Variants in PIEZO2 observed in about 807,000 individuals in gnomAD.
PIEZO2 encodes piezo type mechanosensitive ion channel component 2, also known as piezo-type mechanosensitive ion channel component 2.
In PIEZO2, 172 loss-of-function variants were observed where a neutral mutation model predicts 337.3. That is an observed-to-expected ratio of 0.51 (90% CI 0.45 to 0.58). The LOEUF (loss-of-function observed/expected upper bound fraction) is 0.58. Among genes scored for constraint, PIEZO2 ranks in the 20% least tolerant of loss-of-function variants. The probability of loss-of-function intolerance (pLI) is 0.00; values close to 1 mark genes in which losing one functional copy is unlikely to be tolerated. For missense variants in PIEZO2, 3,028 were observed against 3,391.3 expected (o/e 0.89, Z 2.66); for synonymous variants, 1,251 against 1,228.5 (o/e 1.02, Z -0.38).
At chr18:10,789,906 A>G (rs535284801) in intron 14 of PIEZO2, among the ~76,000 whole-genome samples, 13 of 152,340 alleles carry the variant, frequency 8.5e-5, no homozygotes, top group African/African-American at 2.9e-4. Flanking sequence ...ATCAAAATAA[A>G]AAACTTATTT....
chr18:11,148,418 C>T lies in PIEZO2; in HGVS notation c.64+107G>A, dbSNP rs771108050. ...CGCGCGTCTGACGCCGCTGGCCTCC[C>T]GAATCGAACCCCAGAGCACCAGAGC... On this transcript the variant is annotated intron_variant, in intron 1 of 55. Transcript: ENST00000674853. This position sits in a 1 kb window ranked among gnomAD's most constrained non-coding sequence, Gnocchi z 5.2. The T allele has an allele frequency of 3.0e-6, 4 of 1,311,570 alleles. No homozygotes were observed. Among genetic ancestry groups the T allele is most frequent in the Non-Finnish European group, 4.2e-6 (4 of 951,118 alleles). 81.2% of individuals were successfully genotyped at this position (1,311,570 alleles called of 1,614,324 possible).
At position 11,146,053 on chromosome 18, in the gene PIEZO2, T is replaced by C. The variant is rs891035417; in HGVS notation, c.64+2472A>G. Among the ~76,000 whole-genome samples the C allele has an allele frequency of 6.6e-6, 1 of 152,142 alleles. No individual in the cohort carries two copies. The highest frequency in any genetic ancestry group is 2.4e-5 in the African/African-American group (1 of 41,434). On this transcript the variant is annotated intron_variant, in intron 1 of 55. Transcript: ENST00000674853. The surrounding 1 kb of genome is among the most constrained non-coding windows in gnomAD (Gnocchi z 6.1). The stretch of plus-strand genomic sequence containing the variant: ...TAACACATGTGCACACTCACACTTA[T>C]GCACTCAAACTCACATTCACACAAA...
At chr18:10,762,248 A>AT (rs1405140703) in intron 23 of PIEZO2, among the ~76,000 whole-genome samples, 5 of 152,230 alleles carry the variant, frequency 3.3e-5, no homozygotes, top group Non-Finnish European at 5.9e-5. Flanking sequence ...TGGTCTTAAC[A>AT]TGATTGTATA....
intron 1 of PIEZO2, among the ~76,000 whole-genome samples, chr18:11,119,628 T>C (rs905241073): frequency 6.6e-6 from 1 of 151,998 alleles, no homozygotes; most frequent in Non-Finnish European, 1.5e-5. Flanking sequence ...GGGTTTAGAG[T>C]AGGGACGAGG....
chr18:11,002,787 AG>A lies in PIEZO2; in HGVS notation c.161-23128del, dbSNP rs1018622849. ...AAGTCTGAAAAGCTGAACTATGGAA[AG>A]CAGGCCACATTGGATAATCCAATTT... On this transcript the variant is annotated intron_variant, in intron 2 of 55. Coordinates refer to ENST00000674853, the MANE Select transcript of PIEZO2 (RefSeq NM_001378183.1). This position sits in a 1 kb window ranked among gnomAD's most constrained non-coding sequence, Gnocchi z 4.3. 3.0e-4 allele frequency among the ~76,000 whole-genome samples: 46 copies of A among 152,344 alleles called. No individual in the cohort carries two copies. Among genetic ancestry groups the A allele is most frequent in the African/African-American group, 1.1e-3 (44 of 41,580 alleles).
Position 11,127,066 on chromosome 18 carries a change from G to A in PIEZO2, c.64+21459C>T, listed in dbSNP as rs148229816. On this transcript the variant is annotated intron_variant, in intron 1 of 55. Transcript: ENST00000674853. This position sits in a 1 kb window ranked among gnomAD's most constrained non-coding sequence, Gnocchi z 4.5. ...ACAAACGGTTTAGTTGGAGGAGAGA[G>A]AAGGAGGCAGGAGGCAGATATTACT... Among the ~76,000 whole-genome samples the A allele has an allele frequency of 8.3e-4, 127 of 152,312 alleles. No individual in the cohort carries two copies. The highest frequency in any genetic ancestry group is 2.9e-3 in the African/African-American group (122 of 41,566).
rs2039097783 is a variant in PIEZO2 at position 10,783,284 on chromosome 18, TA to T, written c.2492+1499del. 6.6e-6 allele frequency among the ~76,000 whole-genome samples: 1 copy of T among 152,226 alleles called. No homozygotes were observed. Among genetic ancestry groups the T allele is most frequent in the South Asian group, 2.1e-4 (1 of 4,834 alleles). ...TGAAAAGAATGGTGAGGGCTTATAGTAAATTTAAACATGTTACATGGTCAGA... is the reference window on the plus strand; with the variant it reads ...TGAAAAGAATGGTGAGGGCTTATAGTAATTTAAACATGTTACATGGTCAGA... On this transcript the variant is annotated intron_variant, in intron 17 of 55. Transcript: ENST00000674853. This position sits in a 1 kb window ranked among gnomAD's most constrained non-coding sequence, Gnocchi z 4.3.
chr18:11,101,245 C>A lies in PIEZO2; in HGVS notation c.65-35023G>T, dbSNP rs2146093782. On this transcript the variant is annotated intron_variant, in intron 1 of 55. Transcript: ENST00000674853. The surrounding 1 kb of genome is among the most constrained non-coding windows in gnomAD (Gnocchi z 4.4). ...ACCTCCCTAATCCTCAAGAACACTC[C>A]TTCCGACTTCCAAACTTCCTCTGGA... is the stretch of plus-strand genomic sequence containing the variant. Among the ~76,000 whole-genome samples, 1 of 152,348 alleles carries A rather than the reference C, an allele frequency of 6.6e-6. No homozygotes were observed.
At chr18:11,058,321 T>G (rs901554065) in intron 2 of PIEZO2, among the ~76,000 whole-genome samples, 6 of 151,898 alleles carry the variant, frequency 4.0e-5, no homozygotes, top group African/African-American at 1.2e-4. Flanking sequence ...ACCACAAAGT[T>G]GGGGAAAAAA....
chr18:10,979,925 A>C lies in PIEZO2; in HGVS notation c.161-265T>G, dbSNP rs1381231855. 1.3e-5 allele frequency among the ~76,000 whole-genome samples: 2 copies of C among 152,244 alleles called. No homozygotes were observed. The highest frequency in any genetic ancestry group is 2.4e-5 in the African/African-American group (1 of 41,472). On this transcript the variant is annotated intron_variant, in intron 2 of 55. Coordinates refer to ENST00000674853, the MANE Select transcript of PIEZO2 (RefSeq NM_001378183.1). The surrounding 1 kb of genome is among the most constrained non-coding windows in gnomAD (Gnocchi z 4.0). Reference sequence around the variant, plus strand: ...TTATCATATGACACATTACAGTGGAACTACAAAAAGGTCCTGGACCAAAAC... The same window carrying C: ...TTATCATATGACACATTACAGTGGACCTACAAAAAGGTCCTGGACCAAAAC...
chr18:11,116,377 A>C lies in PIEZO2; in HGVS notation c.64+32148T>G, dbSNP rs1165978113. ...AAGCTGCCCAACGGTGTGAAAATGC[A>C]CCTCGACAATGCTTGGGTGATCTGT... is the stretch of plus-strand genomic sequence containing the variant. On this transcript the variant is annotated intron_variant, in intron 1 of 55. Coordinates refer to ENST00000674853, the MANE Select transcript of PIEZO2 (RefSeq NM_001378183.1). This position sits in a 1 kb window ranked among gnomAD's most constrained non-coding sequence, Gnocchi z 5.0. 1.3e-5 allele frequency among the ~76,000 whole-genome samples: 2 copies of C among 152,054 alleles called. No individual in the cohort carries two copies. The highest frequency in any genetic ancestry group is 4.8e-5 in the African/African-American group (2 of 41,400).
chr18:10,773,416 T>G lies in PIEZO2; in HGVS notation c.2781A>C (p.Thr927=). The change falls in exon 20 of 56, where the codon ACA becomes ACC. Residue 927 remains threonine (T), a synonymous_variant. Transcript: ENST00000674853. The surrounding 1 kb of genome is among the most constrained non-coding windows in gnomAD (Gnocchi z 5.3). ...EEEESEEEEE[T]SDLRNKWHLV... ...TGCTGGTAGTGGGCTGATTACCTGA[T>G]GTTTCTTCCTCCTCCTCGGATTCCT... is the stretch of plus-strand genomic sequence containing the variant. 1 of 1,537,324 alleles carries G rather than the reference T, an allele frequency of 6.5e-7. No individual in the cohort carries two copies. Among genetic ancestry groups the G allele is most frequent in the Middle Eastern group, 1.7e-4 (1 of 5,990 alleles).
chr18:10,891,907 A>G (rs1351069536), intron 4 of PIEZO2, among the ~76,000 whole-genome samples: 1 of 152,250 alleles, frequency 6.6e-6, no homozygotes, highest in Non-Finnish European at 1.5e-5. Context: ...GACATACTAC[A>G]AATAGAATCA....
intron 2 of PIEZO2, among the ~76,000 whole-genome samples, chr18:10,995,082 A>AAAAAAAAAAGAAAC (rs534311613): frequency 7.8e-6 from 1 of 128,142 alleles, no homozygotes. Flanking sequence ...CGTCTCAAAA[A>AAAAAAAAAAGAAAC]AAAAAAAAAA....
intron 4 of PIEZO2, among the ~76,000 whole-genome samples, chr18:10,891,680 A>C (rs1200952374): frequency 6.6e-6 from 1 of 152,200 alleles, no homozygotes; most frequent in African/African-American, 2.4e-5. Flanking sequence ...TGCAATTTTG[A>C]GACTGCAGGT....
chr18:10,887,823 A>G (rs1386498670), intron 4 of PIEZO2, among the ~76,000 whole-genome samples: 1 of 152,092 alleles, frequency 6.6e-6, no homozygotes, highest in Non-Finnish European at 1.5e-5. Flanking sequence ...CTGGCTCATG[A>G]ATTCTTGCAA....
chr18:11,132,342 C>T lies in PIEZO2; in HGVS notation c.64+16183G>A, dbSNP rs2040364164. On this transcript the variant is annotated intron_variant, in intron 1 of 55. Transcript: ENST00000674853. This position sits in a 1 kb window ranked among gnomAD's most constrained non-coding sequence, Gnocchi z 4.7. The stretch of plus-strand genomic sequence containing the variant: ...TCATGCTCATGGAATCCAATGTGCT[C>T]TTACTATATTCCCCATCATTCTGAA... Among the ~76,000 whole-genome samples, 1 of 152,146 alleles carries T rather than the reference C, an allele frequency of 6.6e-6. No homozygotes were observed. Among genetic ancestry groups the T allele is most frequent in the African/African-American group, 2.4e-5 (1 of 41,436 alleles).
intron 37 of PIEZO2, among the ~76,000 whole-genome samples, chr18:10,717,189 A>T (rs1040743223): frequency 2.0e-5 from 3 of 152,226 alleles, no homozygotes. Context: ...AAACAAGTTA[A>T]TATACTCCAA....
At position 11,048,720 on chromosome 18, in the gene PIEZO2, T is replaced by A. The variant is rs537927711; in HGVS notation, c.160+17407A>T. On this transcript the variant is annotated intron_variant, in intron 2 of 55. Transcript: ENST00000674853. This position sits in a 1 kb window ranked among gnomAD's most constrained non-coding sequence, Gnocchi z 4.5. ...GCCTCTGTGTGTTTCTTAATTTCCT[T>A]ATCTGTAAAACATAAATAATACTAT... 6.6e-6 allele frequency among the ~76,000 whole-genome samples: 1 copy of A among 152,332 alleles called. No homozygotes were observed. Among genetic ancestry groups the A allele is most frequent in the East Asian group, 1.9e-4 (1 of 5,186 alleles).
Sources: gnomAD v4.1 joint callset for allele counts (sites outside exome capture counted in the v4.1 genomes callset) on GRCh38, gnomAD v4.1.1 for gene constraint, Gnocchi (gnomAD v3.1) non-coding constraint, MANE v1.5 for transcripts, NCBI Gene and HGNC (gene_info 2026-07-23, HGNC 2026-07-21) for gene names.